The following SIK3 variants were observed in gnomAD, a reference collection of about 807,000 sequenced individuals.
SIK3 encodes the protein SIK family kinase 3.
A neutral mutation model predicts 144.2 loss-of-function variants in SIK3; 28 were observed. The observed-to-expected ratio is 0.19, with a 90% CI of 0.14 to 0.27. SIK3 has a LOEUF of 0.27. Among genes scored for constraint, SIK3 ranks in the 10% least tolerant of loss-of-function variants. The pLI, the probability that SIK3 is intolerant of heterozygous loss-of-function variation, is 1.00. For missense variants in SIK3, 1,319 were observed against 1,776.0 expected (o/e 0.74, Z 4.62); for synonymous variants, 686 against 676.3 (o/e 1.01, Z -0.22).
chr11:116,854,198 A>G (rs1942685005), intron 21 of SIK3, among the ~76,000 whole-genome samples: 1 of 151,996 alleles, frequency 6.6e-6, no homozygotes, highest in African/African-American at 2.4e-5. Flanking sequence ...CATCTATACC[A>G]AAGGAAAAAA....
chr11:117,061,310 CAA>C (rs1953783199), intron 1 of SIK3, among the ~76,000 whole-genome samples: 1 of 152,084 alleles, frequency 6.6e-6, no homozygotes, highest in South Asian at 2.1e-4. Flanking sequence ...TTGAGTCACA[CAA>C]GAGAAGATAA....
chr11:117,055,182 T>C (rs78111243), intron 1 of SIK3, among the ~76,000 whole-genome samples: 3,743 of 152,268 alleles, frequency 0.025, 85 homozygotes, highest in South Asian at 0.11. Context: ...TGGGGAGGCA[T>C]CCAAATGTAG....
At chr11:117,065,449 C>T (rs1338013907) in intron 1 of SIK3, among the ~76,000 whole-genome samples, 2 of 151,880 alleles carry the variant, frequency 1.3e-5, no homozygotes, top group Non-Finnish European at 2.9e-5. Context: ...TCAGACAACT[C>T]AATAACTTTT....
Position 116,910,529 on chromosome 11 carries a change from T to A in SIK3, c.617-13212A>T, listed in dbSNP as rs1174762902. 2.0e-5 allele frequency among the ~76,000 whole-genome samples: 3 copies of A among 152,276 alleles called. No homozygotes were observed. The South Asian group carries it at 6.2e-4, about 32-fold the overall frequency. The stretch of plus-strand genomic sequence containing the variant: ...CATCTCCCCAAAACCACAGGCACTT[T>A]GTATTTGGTAACAATCTTCTTTCAC... On this transcript the variant is annotated intron_variant, in intron 4 of 24. Transcript: ENST00000445177.
intron 3 of SIK3, among the ~76,000 whole-genome samples, chr11:116,945,524 C>T (rs1040696754): frequency 6.6e-6 from 1 of 151,760 alleles, no homozygotes; most frequent in Non-Finnish European, 1.5e-5. Flanking sequence ...CATGCCCAGC[C>T]AGCTTTAAAA....
chr11:116,897,234 A>C lies in SIK3; in HGVS notation c.700T>G (p.Phe234Val). The C allele has an allele frequency of 6.2e-7, 1 of 1,614,076 alleles. No homozygotes were observed. The highest frequency in any genetic ancestry group is 8.5e-7 in the Non-Finnish European group (1 of 1,179,982). Residue 234 changes from phenylalanine to valine, a missense_variant, in exon 5 of 25, where the codon TTT becomes GTT. Phe to Val is a conservative substitution (Grantham distance 50). This residue lies in a region of SIK3 where 125 missense variants were observed against 285.2 expected (regional missense o/e 0.44). Coordinates refer to ENST00000445177, the MANE Select transcript of SIK3 (RefSeq NM_001366686.3). ...GSPPYAAPEL[F>V]EGKEYDGPKV... ...GGCCCATCATATTCTTTTCCTTCAAAGAGTTCAGGTGCAGCATAGGGAGGG... is the reference window on the plus strand; with the variant it reads ...GGCCCATCATATTCTTTTCCTTCAACGAGTTCAGGTGCAGCATAGGGAGGG...
At chr11:116,913,755 G>A (rs970138885) in intron 4 of SIK3, among the ~76,000 whole-genome samples, 39 of 152,234 alleles carry the variant, frequency 2.6e-4, no homozygotes, top group Admixed American at 8.5e-4. Context: ...ATTTTAGTGT[G>A]CCTTTTATAG....
Position 116,846,616 on chromosome 11 carries a change from G to A in SIK3, c.3953-63C>T, listed in dbSNP as rs922964280. On this transcript the variant is annotated intron_variant, in intron 23 of 24. Transcript: ENST00000445177. This position sits in a 1 kb window ranked among gnomAD's most constrained non-coding sequence, Gnocchi z 4.1. ...ACTGGGGGACTAGGAGAGCAAGGGG[G>A]AGAGAGAGGAGGAATTGAAGGCAAC... 1.3e-6 allele frequency: 2 copies of A among 1,587,238 alleles called. No individual in the cohort carries two copies. The highest frequency in any genetic ancestry group is 1.3e-5 in the African/African-American group (1 of 74,442).
intron 1 of SIK3, among the ~76,000 whole-genome samples, chr11:117,071,805 T>TTTC (rs1555146086): frequency 9.6e-5 from 14 of 145,112 alleles, no homozygotes; most frequent in Non-Finnish European, 1.5e-4. Flanking sequence ...TTTTTTTTTT[T>TTTC]CAGGAGAGAG....
intron 3 of SIK3, among the ~76,000 whole-genome samples, chr11:116,952,471 G>C (rs1004956457): frequency 6.6e-6 from 1 of 152,162 alleles, no homozygotes; most frequent in Non-Finnish European, 1.5e-5. Flanking sequence ...TCTTAATTAA[G>C]GCAGGTTTAT....
chr11:116,980,798 G>C, intron 1 of SIK3, among the ~76,000 whole-genome samples: 1 of 151,930 alleles, frequency 6.6e-6, no homozygotes, highest in East Asian at 1.9e-4. Flanking sequence ...GCTGCAGTGA[G>C]CTGAGATCAT....
intron 3 of SIK3, among the ~76,000 whole-genome samples, chr11:116,944,292 C>A (rs755381046): frequency 3.3e-5 from 5 of 152,064 alleles, no homozygotes; most frequent in Non-Finnish European, 7.4e-5. Context: ...GTCTGGGAGC[C>A]TTGGGTCATG....
intron 1 of SIK3, among the ~76,000 whole-genome samples, chr11:117,043,367 A>C (rs1952825396): frequency 6.6e-6 from 1 of 152,216 alleles, no homozygotes; most frequent in African/African-American, 2.4e-5. Flanking sequence ...CATAAAAATA[A>C]GGTGGAAGTT....
chr11:116,866,708 G>A (rs772599151), intron 15 of SIK3, among the ~76,000 whole-genome samples: 3 of 152,066 alleles, frequency 2.0e-5, no homozygotes, highest in Non-Finnish European at 4.4e-5. Flanking sequence ...CCAAAGTGCT[G>A]GGATTGCAGG....
intron 3 of SIK3, among the ~76,000 whole-genome samples, chr11:116,942,972 C>T: frequency 6.6e-6 from 1 of 152,098 alleles, no homozygotes; most frequent in East Asian, 1.9e-4. Context: ...TTAAAGGCTA[C>T]TGCAGTGATC....
intron 1 of SIK3, among the ~76,000 whole-genome samples, chr11:117,049,713 T>C (rs1173508873): frequency 1.3e-5 from 2 of 152,128 alleles, no homozygotes; most frequent in Non-Finnish European, 2.9e-5. Flanking sequence ...CCCAACATTT[T>C]TGGAAGCTGA....
chr11:117,096,067 C>T (rs1955459634), intron 1 of SIK3, among the ~76,000 whole-genome samples: 1 of 152,180 alleles, frequency 6.6e-6, no homozygotes. Context: ...AACACACGCA[C>T]GCACATATAC....
chr11:116,968,887 C>T (rs1949659575), intron 1 of SIK3, among the ~76,000 whole-genome samples: 1 of 152,044 alleles, frequency 6.6e-6, no homozygotes, highest in African/African-American at 2.4e-5. Flanking sequence ...TACTATTAGC[C>T]CCTCTTTTAT....
chr11:117,057,094 A>C (rs1298529170), intron 1 of SIK3, among the ~76,000 whole-genome samples: 1 of 152,234 alleles, frequency 6.6e-6, no homozygotes, highest in Non-Finnish European at 1.5e-5. Context: ...ACATCTTGTG[A>C]AACTATCGTT....
Sources: allele counts gnomAD v4.1 joint callset (sites outside exome capture counted in the v4.1 genomes callset), GRCh38; gene constraint gnomAD v4.1.1; regional missense constraint gnomAD v4.1.1; non-coding constraint Gnocchi (gnomAD v3.1); transcripts MANE v1.5; gene names NCBI Gene and HGNC (gene_info 2026-07-23, HGNC 2026-07-21).